The following MTHFD1L variants were observed in gnomAD, a reference collection of about 807,000 sequenced individuals.
MTHFD1L encodes methylenetetrahydrofolate dehydrogenase (NADP+ dependent) 1 like.
A neutral mutation model predicts 119.5 loss-of-function variants in MTHFD1L; 81 were observed. The ratio of observed to expected loss-of-function variants is 0.68; its 90% CI spans 0.57 to 0.82. The LOEUF (loss-of-function observed/expected upper bound fraction) is 0.82, where lower values mean the gene tolerates loss of function less well. Among genes scored for constraint, MTHFD1L ranks in the 40% least tolerant of loss-of-function variants. MTHFD1L has a pLI of 0.00. For missense variants in MTHFD1L, 1,125 were observed against 1,253.4 expected, an observed-to-expected ratio of 0.90 and a Z score of 1.55; for synonymous variants, 430 against 475.2, an observed-to-expected ratio of 0.90 and a Z score of 1.24.
At chr6:150,956,222 G>A in intron 17 of MTHFD1L, 151 bp downstream of exon 17, 2 of 660,840 alleles carry the variant, frequency 3.0e-6, no homozygotes, top group Non-Finnish European at 5.3e-6. Flanking sequence ...GGCTGGGAGA[G>A]GATCAGAAGA....
At chr6:150,999,001 T>TATATATATATAG (rs1780230599) in intron 20 of MTHFD1L, among the ~76,000 whole-genome samples, 1 of 110,176 alleles carries the variant, frequency 9.1e-6, no homozygotes, top group African/African-American at 3.5e-5. Context: ...AAAAAATATA[T>TATATATATATAG]ATACATATAT....
At chr6:150,949,596 A>G (rs1794559357) in intron 16 of MTHFD1L, among the ~76,000 whole-genome samples, 1 of 151,916 alleles carries the variant, frequency 6.6e-6, no homozygotes, top group South Asian at 2.1e-4. Flanking sequence ...TCCAAGTCTG[A>G]TATGTGCTTT....
At chr6:150,890,607 G>A (rs145887744) in intron 7 of MTHFD1L, among the ~76,000 whole-genome samples, 305 of 152,318 alleles carry the variant, frequency 2.0e-3, no homozygotes, top group Non-Finnish European at 3.1e-3. Context: ...GTTCGTGCTG[G>A]TGTATCCGTA....
chr6:150,885,966 A>G (rs1782185821), intron 6 of MTHFD1L, among the ~76,000 whole-genome samples: 1 of 152,194 alleles, frequency 6.6e-6, no homozygotes, highest in African/African-American at 2.4e-5. Context: ...AACTTTTTCT[A>G]GTAAGACCAT....
At position 151,078,052 on chromosome 6, in the gene MTHFD1L, C is replaced by CA. The variant is rs71014538; in HGVS notation, c.2848-14393dup. 3.2e-3 allele frequency among the ~76,000 whole-genome samples: 189 copies of CA among 59,870 alleles called. 4 individuals carry two copies. The highest frequency in any genetic ancestry group is 8.1e-3 in the African/African-American group (142 of 17,632). 39.3% of individuals were successfully genotyped at this position (59,870 alleles called of 152,430 possible). On this transcript the variant is annotated intron_variant, in intron 26 of 27. Coordinates refer to ENST00000367321, the MANE Select transcript of MTHFD1L (RefSeq NM_015440.5). ...TGGGCGACAGAGCAAGACTCTGTCT[C>CA]AAAAAAAAAAAAAAAAAAAAAATCA...
chr6:150,945,323 T>C (rs1242006126), intron 14 of MTHFD1L, 144 bp from the exon 15 acceptor site: 8 of 616,304 alleles, frequency 1.3e-5, no homozygotes, highest in Non-Finnish European at 2.3e-5. Flanking sequence ...CAACATTGTT[T>C]ATATTAGCCC....
At chr6:150,965,992 G>A (rs1027770754) in intron 19 of MTHFD1L, among the ~76,000 whole-genome samples, 3 of 152,214 alleles carry the variant, frequency 2.0e-5, no homozygotes, top group Middle Eastern at 3.2e-3. Flanking sequence ...TACCAGCACA[G>A]AGCTGAGTAA....
intron 8 of MTHFD1L, among the ~76,000 whole-genome samples, chr6:150,909,808 G>A (rs1365009760): frequency 1.3e-5 from 2 of 152,164 alleles, no homozygotes; most frequent in Non-Finnish European, 2.9e-5. Context: ...GAGGGGAAGA[G>A]CCCTGGGATG....
chr6:151,052,136 C>G (rs768024080), intron 26 of MTHFD1L, among the ~76,000 whole-genome samples: 13 of 152,180 alleles, frequency 8.5e-5, no homozygotes, highest in Admixed American at 7.2e-4. Flanking sequence ...CAAACCGGCA[C>G]GGCAGTGAAG....
intron 11 of MTHFD1L, among the ~76,000 whole-genome samples, chr6:150,928,711 G>A (rs9383854): frequency 0.34 from 51,161 of 151,352 alleles, 9,966 homozygotes; most frequent in African/African-American, 0.53. Flanking sequence ...CTGGCTAACT[G>A]TTTTTGTATT....
intron 26 of MTHFD1L, among the ~76,000 whole-genome samples, chr6:151,059,274 G>A (rs1368690678): frequency 6.6e-6 from 1 of 152,150 alleles, no homozygotes; most frequent in South Asian, 2.1e-4. Flanking sequence ...GCAGTGGCAT[G>A]ATCTCGGCTC....
intron 24 of MTHFD1L, among the ~76,000 whole-genome samples, chr6:151,017,516 T>G (rs1783278081): frequency 6.6e-6 from 1 of 152,056 alleles, no homozygotes; most frequent in South Asian, 2.1e-4. Context: ...CCAGCTAATT[T>G]TTGTATTTTT....
At chr6:151,053,072 A>G (rs948074737) in intron 26 of MTHFD1L, among the ~76,000 whole-genome samples, 1 of 152,246 alleles carries the variant, frequency 6.6e-6, no homozygotes, top group African/African-American at 2.4e-5. Flanking sequence ...TATATTACAC[A>G]GATAAATAGA....
At position 151,092,357 on chromosome 6, in the gene MTHFD1L, A is replaced by G. The variant is rs550839510; in HGVS notation, c.2848-110A>G. On this transcript the variant is annotated intron_variant, in intron 26 of 27. Transcript: ENST00000367321. ...TTTAAAGAGATATATCCCATATAAA[A>G]CCTAAAGTTCTATGAGGCTGTATTG... 60 of 775,722 alleles carry G rather than the reference A, an allele frequency of 7.7e-5. No homozygotes were observed. The South Asian group carries it at 1.1e-3, about 14-fold the overall frequency. The allele number at this position is 775,722 out of a possible 1,614,324, so 48.1% of individuals were successfully genotyped here.
intron 8 of MTHFD1L, among the ~76,000 whole-genome samples, chr6:150,916,682 A>G (rs1338723457): frequency 1.4e-5 from 2 of 142,092 alleles, no homozygotes; most frequent in East Asian, 4.5e-4. Flanking sequence ...GTAATCCCTA[A>G]AGTTAATACC....
chr6:151,026,643 A>G (rs1464640950), intron 24 of MTHFD1L, among the ~76,000 whole-genome samples: 2 of 152,232 alleles, frequency 1.3e-5, no homozygotes, highest in African/African-American at 2.4e-5. Flanking sequence ...AAAAATGACC[A>G]AAGACACAAG....
intron 13 of MTHFD1L, among the ~76,000 whole-genome samples, chr6:150,942,686 T>A (rs1006878276): frequency 6.6e-6 from 1 of 152,070 alleles, no homozygotes; most frequent in African/African-American, 2.4e-5. Flanking sequence ...GTATAAACTG[T>A]TACGATGTTA....
At chr6:150,867,552 ACTT>A (rs1778621572) in intron 1 of MTHFD1L, among the ~76,000 whole-genome samples, 1 of 151,716 alleles carries the variant, frequency 6.6e-6, no homozygotes, top group Admixed American at 6.6e-5. Flanking sequence ...CGGCAAAAAA[ACTT>A]CTCCCGTCAT....
chr6:150,991,619 C>G (rs1779077022), intron 20 of MTHFD1L, among the ~76,000 whole-genome samples: 1 of 152,082 alleles, frequency 6.6e-6, no homozygotes, highest in Non-Finnish European at 1.5e-5. Flanking sequence ...CATGTAGACA[C>G]AGGGAAATTA....
Sources: allele counts gnomAD v4.1 joint callset (sites outside exome capture counted in the v4.1 genomes callset), GRCh38; gene constraint gnomAD v4.1.1; transcripts MANE v1.5; gene names NCBI Gene and HGNC (gene_info 2026-07-23, HGNC 2026-07-21).